Variants in EYS observed in about 807,000 individuals in gnomAD.
EYS encodes the protein protein eyes shut homolog.
EYS carries 250 observed loss-of-function variants against 282.1 expected under a neutral mutation model. The ratio of observed to expected loss-of-function variants is 0.89; its 90% CI spans 0.80 to 0.98. EYS has a LOEUF of 0.98. Among genes scored for constraint, EYS ranks in the 50% least tolerant of loss-of-function variants. EYS has a pLI of 0.00. For synonymous variants in EYS, 1,355 were observed against 1,282.9 expected (o/e 1.06, Z -1.20); for missense variants, 4,016 against 3,709.0 (o/e 1.08, Z -2.15).
intron 19 of EYS, among the ~76,000 whole-genome samples, chr6:64,856,315 T>C (rs1263377562): frequency 6.6e-6 from 1 of 152,082 alleles, no homozygotes; most frequent in African/African-American, 2.4e-5. Context: ...TATTTTTTTT[T>C]CCCAGAAAGG....
chr6:64,139,399 T>C (rs1346494825), intron 31 of EYS, among the ~76,000 whole-genome samples: 1 of 152,152 alleles, frequency 6.6e-6, no homozygotes, highest in African/African-American at 2.4e-5. Flanking sequence ...TTGAGATGGT[T>C]GATTACCATG....
chr6:64,208,451 C>T lies in EYS; in HGVS notation c.6424+22141G>A, dbSNP rs187086755. Reference sequence around the variant, plus strand: ...TCAAACTGTCTTTAGTATCTCTTCTCTTATTAAAATATCAGACTTTTCTGG... The same window carrying T: ...TCAAACTGTCTTTAGTATCTCTTCTTTTATTAAAATATCAGACTTTTCTGG... On this transcript the variant is annotated intron_variant, in intron 31 of 42. Transcript: ENST00000503581. Among the ~76,000 whole-genome samples, 389 of 152,170 alleles carry T rather than the reference C, an allele frequency of 2.6e-3. 1 individual carries two copies. Among genetic ancestry groups the T allele is most frequent in the African/African-American group, 8.9e-3 (370 of 41,512 alleles).
At chr6:65,058,123 G>A (rs1391748712) in intron 12 of EYS, among the ~76,000 whole-genome samples, 1 of 152,106 alleles carries the variant, frequency 6.6e-6, no homozygotes, top group Non-Finnish European at 1.5e-5. Flanking sequence ...ACATCCTGAT[G>A]TATGTCCCTG....
In EYS at chr6:63,864,239, G is replaced by C. The variant is rs1772616888; in HGVS notation, c.7175C>G (p.Thr2392Arg). 6.4e-7 allele frequency: 1 copy of C among 1,550,998 alleles called. No homozygotes were observed. The highest frequency in any genetic ancestry group is 8.7e-7 in the Non-Finnish European group (1 of 1,146,588). ...ATATGGGCAGAGGCAGACAATATCT[G>C]TTCCGGATTTTGGAACACAGGTGGC... ...NGATCVPKSGTDIVCLCPYGR... is the reference protein window; with the variant it reads ...NGATCVPKSGRDIVCLCPYGR... Residue 2392 changes from threonine to arginine, a missense_variant, in exon 36 of 43, where the codon ACA becomes AGA. Transcript: ENST00000503581.
intron 41 of EYS, among the ~76,000 whole-genome samples, chr6:63,760,540 T>C (rs912034692): frequency 6.6e-6 from 1 of 152,154 alleles, no homozygotes; most frequent in East Asian, 1.9e-4. Context: ...TCTATGTGGA[T>C]GTCACCCATT....
At chr6:65,581,913 G>C (rs1007810178) in intron 2 of EYS, among the ~76,000 whole-genome samples, 1 of 151,816 alleles carries the variant, frequency 6.6e-6, no homozygotes, top group Non-Finnish European at 1.5e-5. Flanking sequence ...AGCTTGGCTG[G>C]GCATGGTGGC....
intron 21 of EYS, among the ~76,000 whole-genome samples, chr6:64,819,463 A>G (rs1350323835): frequency 1.3e-5 from 2 of 152,082 alleles, no homozygotes; most frequent in African/African-American, 4.8e-5. Flanking sequence ...ATAGAAATCT[A>G]TTATATGAAA....
At chr6:64,136,762 A>G (rs189929099) in intron 31 of EYS, among the ~76,000 whole-genome samples, 233 of 152,260 alleles carry the variant, frequency 1.5e-3, no homozygotes, top group African/African-American at 5.4e-3. Flanking sequence ...CAGATGTGCC[A>G]TAATCTAGGC....
chr6:64,183,251 T>C lies in EYS; in HGVS notation c.6424+47341A>G, dbSNP rs141522355. On this transcript the variant is annotated intron_variant, in intron 31 of 42. Transcript: ENST00000503581. ...GGAACTGTGAGTTAATTGAACCTCT[T>C]TCCTTTATAAATTACCCAGTCTCAA... is the stretch of plus-strand genomic sequence containing the variant. 1.2e-3 allele frequency among the ~76,000 whole-genome samples: 176 copies of C among 152,250 alleles called. 1 individual carries two copies. The highest frequency in any genetic ancestry group is 6.8e-3 in the Middle Eastern group (2 of 294).
chr6:65,579,891 C>T (rs1764811720), intron 2 of EYS, among the ~76,000 whole-genome samples: 1 of 152,038 alleles, frequency 6.6e-6, no homozygotes, highest in Non-Finnish European at 1.5e-5. Context: ...AGACGTTTCT[C>T]ACTCTACTCT....
intron 18 of EYS, among the ~76,000 whole-genome samples, chr6:64,897,415 A>C (rs1021317181): frequency 1.1e-4 from 17 of 152,198 alleles, no homozygotes; most frequent in Admixed American, 1.0e-3. Context: ...CAACATCAAC[A>C]GAAAAGACGA....
chr6:65,278,679 T>C (rs150555892), intron 12 of EYS, among the ~76,000 whole-genome samples: 8 of 152,116 alleles, frequency 5.3e-5, no homozygotes, highest in Non-Finnish European at 1.2e-4. Flanking sequence ...CTCACTATTG[T>C]ATATAATTTA....
chr6:63,996,714 T>C (rs1288169313), intron 34 of EYS, among the ~76,000 whole-genome samples: 1 of 152,152 alleles, frequency 6.6e-6, no homozygotes, highest in Non-Finnish European at 1.5e-5. Flanking sequence ...GTGCTTTATT[T>C]TCCTTCTCTG....
intron 11 of EYS, among the ~76,000 whole-genome samples, chr6:65,306,929 T>A (rs1237367431): frequency 6.9e-5 from 10 of 144,686 alleles, no homozygotes; most frequent in Non-Finnish European, 1.5e-5. Context: ...GTTAAGTTAC[T>A]TACCATTCAA....
At chr6:64,772,626 T>C (rs1321578961) in intron 22 of EYS, among the ~76,000 whole-genome samples, 2 of 151,782 alleles carry the variant, frequency 1.3e-5, no homozygotes, top group Admixed American at 6.6e-5. Context: ...TATATTTTTG[T>C]ATCCATTAAC....
chr6:63,982,750 C>A (rs1446823697), intron 35 of EYS, among the ~76,000 whole-genome samples: 1 of 151,642 alleles, frequency 6.6e-6, no homozygotes, highest in Non-Finnish European at 1.5e-5. Context: ...AAGGCATGAA[C>A]AATAACAGGA....
At chr6:65,693,525 C>G (rs1769325425) in intron 1 of EYS, among the ~76,000 whole-genome samples, 1 of 147,266 alleles carries the variant, frequency 6.8e-6, no homozygotes, top group South Asian at 2.2e-4. Flanking sequence ...TTTGCTAGTA[C>G]CATCCTGATT....
intron 33 of EYS, among the ~76,000 whole-genome samples, chr6:64,041,815 T>C (rs190442977): frequency 1.9e-3 from 296 of 152,326 alleles, no homozygotes; most frequent in Non-Finnish European, 3.1e-3. Context: ...TATCTAACTG[T>C]AAGTTTATAT....
intron 13 of EYS, among the ~76,000 whole-genome samples, chr6:65,000,056 T>C (rs958751688): frequency 6.6e-6 from 1 of 152,118 alleles, no homozygotes; most frequent in African/African-American, 2.4e-5. Context: ...CGCCTATAGA[T>C]GGCAAAACTA....
Sources: gnomAD v4.1 joint callset for allele counts (sites outside exome capture counted in the v4.1 genomes callset) on GRCh38, gnomAD v4.1.1 for gene constraint, MANE v1.5 for transcripts, NCBI Gene and HGNC (gene_info 2026-07-23, HGNC 2026-07-21) for gene names.